Variants in DNAH2 observed in about 807,000 individuals in gnomAD.
DNAH2 encodes the protein axonemal beta dynein heavy chain 2.
Under a neutral mutation model 523.5 loss-of-function variants are expected in DNAH2, and 323 were observed. That is an observed-to-expected ratio of 0.62 (90% CI 0.56 to 0.68). The LOEUF (loss-of-function observed/expected upper bound fraction) is 0.68. Among genes scored for constraint, DNAH2 ranks in the 30% least tolerant of loss-of-function variants. DNAH2 has a pLI of 0.00. For synonymous variants in DNAH2, 2,093 were observed against 2,177.4 expected (o/e 0.96, Z 1.08); for missense variants, 4,907 against 5,701.5 (o/e 0.86, Z 4.49).
In DNAH2 at chr17:7,777,618, G is replaced by C. The variant is rs2076491641; in HGVS notation, c.5231G>C (p.Arg1744Pro). The change falls in exon 33 of 86, where the codon CGG becomes CCG. Residue 1744 changes from arginine (R) to proline (P), a missense_variant. Arg to Pro is a moderately radical substitution (Grantham distance 103). Coordinates refer to ENST00000572933, the MANE Select transcript of DNAH2 (RefSeq NM_020877.5). ...TCCTTTGACTGGCTCAGCCAACTTCGGTTCTACTGGGAGAAGGTGCCAGAT... is the reference window on the plus strand; with the variant it reads ...TCCTTTGACTGGCTCAGCCAACTTCCGTTCTACTGGGAGAAGGTGCCAGAT... ...VNSFDWLSQL[R>P]FYWEKDLDDC... 2 of 1,613,936 alleles carry C rather than the reference G, an allele frequency of 1.2e-6. No homozygotes were observed. Among genetic ancestry groups the C allele is most frequent in the African/African-American group, 1.3e-5 (1 of 74,872 alleles).
chr17:7,719,869 G>A lies in DNAH2; in HGVS notation c.135G>A (p.Glu45=). ...QGNAPAVSEP[E]LQAELPKEEP... is the part of the protein sequence containing the mutation. ...ATGCCCCGGCTGTCAGTGAGCCAGA[G>A]CTGCAGGCTGAGCTCCCCAAGGAGG... Residue 45 remains glutamate, a synonymous_variant, in exon 2 of 86, where the codon GAG becomes GAA. Transcript: ENST00000572933. The A allele has an allele frequency of 6.3e-7, 1 of 1,582,634 alleles. No individual in the cohort carries two copies. The highest frequency in any genetic ancestry group is 1.8e-5 in the Admixed American group (1 of 56,120).
At chr17:7,818,210 C>A in intron 68 of DNAH2, 102 bp from the exon 69 acceptor site, 1 of 1,595,492 alleles carries the variant, frequency 6.3e-7, no homozygotes, top group Non-Finnish European at 8.5e-7. Context: ...TGGCCTGGGG[C>A]CTTAGGACAG....
At chr17:7,719,317 C>T (rs1475123718) in intron 1 of DNAH2, among the ~76,000 whole-genome samples, 11 of 151,980 alleles carry the variant, frequency 7.2e-5, no homozygotes, top group Admixed American at 6.6e-5. Context: ...TTAGTAGAGA[C>T]GGGGTTTTGC....
In DNAH2 at chr17:7,786,961, C is replaced by T; in HGVS notation, c.6531C>T (p.Asn2177=). Residue 2177 remains asparagine, a synonymous_variant, in exon 42 of 86, where the codon AAC becomes AAT. Transcript: ENST00000572933. The surrounding 1 kb of genome is among the most constrained non-coding windows in gnomAD (Gnocchi z 7.5). Reference sequence around the variant, plus strand: ...CCGTGGACACACTGTGGATCGAGAACATGAACTCCGTCATGGACGATAACA... The same window carrying T: ...CCGTGGACACACTGTGGATCGAGAATATGAACTCCGTCATGGACGATAACA... ...DGPVDTLWIE[N]MNSVMDDNKV... The T allele has an allele frequency of 1.2e-6, 2 of 1,614,242 alleles. No individual in the cohort carries two copies. Among genetic ancestry groups the T allele is most frequent in the Non-Finnish European group, 1.7e-6 (2 of 1,180,046 alleles).
At chr17:7,742,579 C>CT (rs2075383931) in intron 11 of DNAH2, among the ~76,000 whole-genome samples, 1 of 152,184 alleles carries the variant, frequency 6.6e-6, no homozygotes, top group Admixed American at 6.5e-5. Flanking sequence ...GCCTGGTGGA[C>CT]TACGCCCAGG....
In DNAH2 at chr17:7,781,107, C is replaced by T; in HGVS notation, c.6069C>T (p.Phe2023=). Residue 2023 remains phenylalanine (F), a synonymous_variant, in exon 39 of 86, where the codon TTC becomes TTT. Coordinates refer to ENST00000572933, the MANE Select transcript of DNAH2 (RefSeq NM_020877.5). ...AKLTSVDAPL[F]NAIVQDLFPN... ...TCACTTCAGTTGATGCACCCCTGTT[C>T]AATGCCATCGTGCAAGATCTGTTTC... is the stretch of plus-strand genomic sequence containing the variant. 1 of 1,614,228 alleles carries T rather than the reference C, an allele frequency of 6.2e-7. No homozygotes were observed. The highest frequency in any genetic ancestry group is 8.5e-7 in the Non-Finnish European group (1 of 1,180,050).
intron 20 of DNAH2, 99 bp downstream of exon 20, chr17:7,764,372 C>A: frequency 7.1e-7 from 1 of 1,413,600 alleles, no homozygotes; most frequent in Non-Finnish European, 9.6e-7. Flanking sequence ...GAAGTGACAG[C>A]AGGAGGAGAC....
Position 7,786,524 on chromosome 17 carries a change from G to A in DNAH2, c.6349-46G>A, listed in dbSNP as rs771835730. ...AAGAGGGGTCTGGAAATAAAGAGGG[G>A]TTTTTGTCCATCAGCAGCTAAAACC... On this transcript the variant is annotated intron_variant, in intron 40 of 85. Transcript: ENST00000572933. The surrounding 1 kb of genome is among the most constrained non-coding windows in gnomAD (Gnocchi z 7.5). The A allele has an allele frequency of 6.4e-7, 1 of 1,569,810 alleles. No homozygotes were observed. The highest frequency in any genetic ancestry group is 8.7e-7 in the Non-Finnish European group (1 of 1,142,880).
chr17:7,744,087 G>A (rs2151163334), intron 12 of DNAH2, among the ~76,000 whole-genome samples: 1 of 151,966 alleles, frequency 6.6e-6, no homozygotes, highest in East Asian at 1.9e-4. Context: ...CTCATAAAAT[G>A]TCCATGCTTG....
chr17:7,796,344 C>A (rs564270309), intron 49 of DNAH2, 120 bp from the exon 50 acceptor site: 2 of 1,163,266 alleles, frequency 1.7e-6, no homozygotes, highest in Non-Finnish European at 2.4e-6. Flanking sequence ...CCACCGTGCC[C>A]GGCCCTAGGA....
intron 63 of DNAH2, among the ~76,000 whole-genome samples, chr17:7,809,273 C>T (rs968256611): frequency 6.6e-6 from 1 of 152,132 alleles, no homozygotes. Context: ...GGCTCGTCAC[C>T]GTCAGAGCTG....
At chr17:7,748,965 C>T (rs1449067030) in intron 12 of DNAH2, among the ~76,000 whole-genome samples, 1 of 151,906 alleles carries the variant, frequency 6.6e-6, no homozygotes, top group Non-Finnish European at 1.5e-5. Flanking sequence ...TGAATTCATC[C>T]TGTTGACTGA....
At chr17:7,787,174 G>A in intron 42 of DNAH2, 141 bp downstream of exon 42, 2 of 1,076,860 alleles carry the variant, frequency 1.9e-6, no homozygotes, top group Non-Finnish European at 2.6e-6. Flanking sequence ...CTGGATTCAG[G>A]GAAACCTGCA....
chr17:7,759,375 C>A, intron 15 of DNAH2, 47 bp from the exon 16 acceptor site: 2 of 1,566,660 alleles, frequency 1.3e-6, no homozygotes, highest in African/African-American at 1.4e-5. Context: ...CAGGATGTGC[C>A]CTGTCTTCCC....
chr17:7,768,441 A>G (rs1027998195), intron 24 of DNAH2, among the ~76,000 whole-genome samples, 174 bp downstream of exon 24: 1 of 152,226 alleles, frequency 6.6e-6, no homozygotes, highest in African/African-American at 2.4e-5. Flanking sequence ...TGGACGCATG[A>G]AAATTGCATA....
chr17:7,763,509 G>A (rs2076064891), intron 18 of DNAH2, among the ~76,000 whole-genome samples: 1 of 152,176 alleles, frequency 6.6e-6, no homozygotes, highest in African/African-American at 2.4e-5. Flanking sequence ...TTGAACTCCT[G>A]ACCTCGTGAT....
chr17:7,723,543 A>G, intron 2 of DNAH2, 85 bp from the exon 3 acceptor site: 1 of 1,109,858 alleles, frequency 9.0e-7, no homozygotes, highest in Admixed American at 1.7e-5. Context: ...AAGTGCTAGG[A>G]CTACAGGTGT....
At chr17:7,719,646 A>AG in intron 1 of DNAH2, 75 bp from the exon 2 acceptor site, 1 of 1,556,724 alleles carries the variant, frequency 6.4e-7, no homozygotes, top group South Asian at 1.1e-5. Context: ...TGAATTCAAA[A>AG]GGGACTGCTT....
rs375694095 is a variant in DNAH2, at chr17:7,804,483, C to T, written c.9183+17C>T. ...CAGCAGAAGGTCCAGGGCCCACGCC[C>T]ACCCCCCGTGCCCCACTCCCACCAG... On this transcript the variant is annotated intron_variant, in intron 59 of 85. Coordinates refer to ENST00000572933, the MANE Select transcript of DNAH2 (RefSeq NM_020877.5). The T allele has an allele frequency of 1.9e-6, 3 of 1,610,566 alleles. No individual in the cohort carries two copies. The highest frequency in any genetic ancestry group is 1.7e-5 in the Admixed American group (1 of 59,754).
Sources: allele counts gnomAD v4.1 joint callset (sites outside exome capture counted in the v4.1 genomes callset), GRCh38; gene constraint gnomAD v4.1.1; non-coding constraint Gnocchi (gnomAD v3.1); transcripts MANE v1.5; gene names NCBI Gene and HGNC (gene_info 2026-07-23, HGNC 2026-07-21).